Variants in NOM1 observed in about 807,000 individuals in gnomAD.
NOM1 encodes nucleolar MIF4G domain-containing protein 1.
Under a neutral mutation model 73.3 loss-of-function variants are expected in NOM1, and 58 were observed. The ratio of observed to expected loss-of-function variants is 0.79; its 90% CI spans 0.64 to 0.99. The LOEUF is 0.99. Among genes scored for constraint, NOM1 ranks in the 50% least tolerant of loss-of-function variants. NOM1 has a pLI of 0.00. For missense variants in NOM1, 1,226 were observed against 1,131.9 expected (o/e 1.08, Z -1.19); for synonymous variants, 487 against 446.8 (o/e 1.09, Z -1.14).
At chr7:156,967,162 C>A in intron 9 of NOM1, 70 bp downstream of exon 9, 1 of 1,538,470 alleles carries the variant, frequency 6.5e-7, no homozygotes, top group South Asian at 1.2e-5. Context: ...CCTGGTAAAT[C>A]AGGTCCTGTT....
intron 4 of NOM1, 154 bp downstream of exon 4, chr7:156,960,328 A>G (rs527814752): frequency 1.6e-6 from 1 of 626,988 alleles, no homozygotes; most frequent in East Asian, 2.8e-5. Context: ...TAATATGTGA[A>G]TGGACCTTAT....
At position 156,971,660 on chromosome 7, in the gene NOM1, C is replaced by G. The variant is rs1563689464; in HGVS notation, c.*1957C>G. 1 of 152,358 alleles carries G rather than the reference C, an allele frequency of 6.6e-6. No homozygotes were observed. Among genetic ancestry groups the G allele is most frequent in the Non-Finnish European group, 1.5e-5 (1 of 68,042 alleles). The allele number at this position is 152,358 out of a possible 1,614,324, so 9.4% of individuals were successfully genotyped here. A position where few individuals can be genotyped will look rare whatever the true frequency, so the allele number is the denominator to read the frequency against. On this transcript the variant is annotated 3_prime_UTR_variant, in exon 11 of 11. Coordinates refer to ENST00000275820, the MANE Select transcript of NOM1 (RefSeq NM_138400.2). ...CCTCAAATTTTATTTTAGCTCGACC[C>G]TATGGCAGTTTGTGTTTGGAAATCG...
In NOM1 at chr7:156,950,744, T is replaced by C. The variant is rs1275382639; in HGVS notation, c.987+20T>C. 1 of 1,531,588 alleles carries C rather than the reference T, an allele frequency of 6.5e-7. No individual in the cohort carries two copies. Among genetic ancestry groups the C allele is most frequent in the Non-Finnish European group, 8.8e-7 (1 of 1,135,870 alleles). The allele number at this position is 1,531,588 out of a possible 1,614,324, so 94.9% of individuals were successfully genotyped here. ...GATAAGGTATCGTGTGAACACTCTC[T>C]AGGCCCTCTGGGATTTCCTTCAAAA... On this transcript the variant is annotated intron_variant, in intron 1 of 10. Coordinates refer to ENST00000275820, the MANE Select transcript of NOM1 (RefSeq NM_138400.2).
Position 156,949,989 on chromosome 7 carries a change from A to G in NOM1, c.252A>G (p.Glu84=). ...CGGGAGGGAGAAAAAGCCGTAAGGA[A>G]CTGAGGAAGGAGAAGCGGCACCTGC... The part of the protein sequence containing the change: ...FRPGGRKSRK[E]LRKEKRHLRK... The change falls in exon 1 of 11, where the codon GAA becomes GAG. Residue 84 remains glutamate, a synonymous_variant. Coordinates refer to ENST00000275820, the MANE Select transcript of NOM1 (RefSeq NM_138400.2). 1 of 1,540,650 alleles carries G rather than the reference A, an allele frequency of 6.5e-7. No homozygotes were observed. Among genetic ancestry groups the G allele is most frequent in the South Asian group, 1.2e-5 (1 of 84,076 alleles).
rs1478069683 is a variant in NOM1 at position 156,972,635 on chromosome 7, G to A, written c.*2932G>A. On this transcript the variant is annotated 3_prime_UTR_variant, in exon 11 of 11. Coordinates refer to ENST00000275820, the MANE Select transcript of NOM1 (RefSeq NM_138400.2). ...ACTTGAGGTCAGGAGTTCGAGACCA[G>A]CCTGGCCAACATGGCAAAACCCCGT... 2.0e-5 allele frequency: 3 copies of A among 152,258 alleles called. No homozygotes were observed. Among genetic ancestry groups the A allele is most frequent in the Non-Finnish European group, 4.4e-5 (3 of 68,088 alleles). The allele number at this position is 152,258 out of a possible 1,614,324, so 9.4% of individuals were successfully genotyped here.
chr7:156,961,474 G>A (rs1804863210), intron 4 of NOM1, among the ~76,000 whole-genome samples: 1 of 152,166 alleles, frequency 6.6e-6, no homozygotes, highest in East Asian at 1.9e-4. Context: ...GGGCTGGGGA[G>A]CTGGCTGGGG....
chr7:156,950,402 C>A lies in NOM1; in HGVS notation c.665C>A (p.Ala222Asp). The A allele has an allele frequency of 1.9e-6, 3 of 1,614,172 alleles. No individual in the cohort carries two copies. Among genetic ancestry groups the A allele is most frequent in the Non-Finnish European group, 8.5e-7 (1 of 1,180,036 alleles). ...GACGGTCTTGACTATATTCTGGGAG[C>A]CCTGGAGTCTGGGAAAAATAGCGGC... ...ARDGLDYILG[A>D]LESGKNSGLY... Residue 222 changes from alanine (A) to aspartate (D), a missense_variant, in exon 1 of 11, where the codon GCC becomes GAC. Coordinates refer to ENST00000275820, the MANE Select transcript of NOM1 (RefSeq NM_138400.2).
At chr7:156,962,113 G>GA (rs1394574357) in intron 4 of NOM1, 38 bp from the exon 5 acceptor site, 14 of 1,570,552 alleles carry the variant, frequency 8.9e-6, no homozygotes, top group Non-Finnish European at 1.2e-5. Context: ...TAGACTGTTT[G>GA]AAATGATGGA....
At chr7:156,950,915 G>A (rs912910879) in intron 1 of NOM1, among the ~76,000 whole-genome samples, 191 bp downstream of exon 1, 2 of 152,174 alleles carry the variant, frequency 1.3e-5, no homozygotes, top group Non-Finnish European at 2.9e-5. Context: ...TAAAGTTTAG[G>A]AGAAAAGCAA....
chr7:156,958,229 G>A (rs1804775291), intron 3 of NOM1, among the ~76,000 whole-genome samples: 1 of 152,212 alleles, frequency 6.6e-6, no homozygotes, highest in Non-Finnish European at 1.5e-5. Flanking sequence ...CCCTGTTGAA[G>A]CTTAATAACC....
chr7:156,949,970 G>A lies in NOM1; in HGVS notation c.233G>A (p.Gly78Glu), dbSNP rs949722143. ...RGAPVSFRPG[G>E]RKSRKELRKE... ...GCCCCGGTGAGCTTTCGCCCGGGAG[G>A]GAGAAAAAGCCGTAAGGAACTGAGG... Residue 78 changes from glycine (G) to glutamate (E), a missense_variant, in exon 1 of 11, where the codon GGG becomes GAG. Physicochemically the swap from Gly to Glu is moderately conservative, Grantham distance 98. Coordinates refer to ENST00000275820, the MANE Select transcript of NOM1 (RefSeq NM_138400.2). The A allele has an allele frequency of 8.4e-6, 13 of 1,540,834 alleles. No homozygotes were observed. Among genetic ancestry groups the A allele is most frequent in the South Asian group, 7.1e-5 (6 of 84,056 alleles).
At chr7:156,963,496 TAGGCTAC>T in intron 6 of NOM1, 1 of 448,414 alleles carries the variant, frequency 2.2e-6, no homozygotes, top group South Asian at 2.4e-5. Context: ...CTGTGCATTC[TAGGCTAC>T]AGGCTATGGA....
intron 2 of NOM1, 111 bp downstream of exon 2, chr7:156,952,709 T>A: frequency 1.7e-6 from 2 of 1,203,262 alleles, no homozygotes; most frequent in Non-Finnish European, 2.3e-6. Context: ...GTCGATTGGA[T>A]CCTTTCTGTT....
chr7:156,965,587 G>A (rs1258760176), intron 7 of NOM1, among the ~76,000 whole-genome samples: 4 of 152,192 alleles, frequency 2.6e-5, no homozygotes, highest in African/African-American at 9.7e-5. Flanking sequence ...ACACTACAAA[G>A]GATAGGTTTT....
intron 7 of NOM1, among the ~76,000 whole-genome samples, chr7:156,964,589 A>T (rs1328359064): frequency 1.4e-5 from 2 of 141,890 alleles, no homozygotes. Context: ...TTTAAAAAGA[A>T]AAAAAAAATC....
Position 156,949,801 on chromosome 7 carries a change from A to C in NOM1, c.64A>C (p.Met22Leu), listed in dbSNP as rs948740590. 11 of 1,427,096 alleles carry C rather than the reference A, an allele frequency of 7.7e-6. No homozygotes were observed. The highest frequency in any genetic ancestry group is 9.1e-6 in the Non-Finnish European group (10 of 1,094,798). The allele number at this position is 1,427,096 out of a possible 1,614,324, so 88.4% of individuals were successfully genotyped here. A position where few individuals can be genotyped will look rare whatever the true frequency, so the allele number is the denominator to read the frequency against. Reference sequence around the variant, plus strand: ...CGGCTCCCAGGGACGCGTGGTCCGCATGAAGCGCAGAGGCGGGCGCGGGCC... The same window carrying C: ...CGGCTCCCAGGGACGCGTGGTCCGCCTGAAGCGCAGAGGCGGGCGCGGGCC... ...PGGSQGRVVR[M>L]KRRGGRGPRR... The change falls in exon 1 of 11, where the codon ATG becomes CTG. Residue 22 changes from methionine to leucine, a missense_variant. By Grantham distance (15) the Met-to-Leu change is conservative. Transcript: ENST00000275820.
At position 156,966,720 on chromosome 7, in the gene NOM1, T is replaced by C. The variant is rs143834431; in HGVS notation, c.2167-241T>C. Among the ~76,000 whole-genome samples the C allele has an allele frequency of 5.9e-3, 897 of 152,268 alleles. 10 individuals are homozygous for C. The highest frequency in any genetic ancestry group is 0.02 in the African/African-American group (834 of 41,518). On this transcript the variant is annotated intron_variant, in intron 8 of 10. Coordinates refer to ENST00000275820, the MANE Select transcript of NOM1 (RefSeq NM_138400.2). ...GATGCCCCTTGCTGTGGCCTTTTCC[T>C]TAGAATGTTCTGTTAGTATCTGCTG...
chr7:156,949,945 G>C lies in NOM1; in HGVS notation c.208G>C (p.Ala70Pro). Residue 70 changes from alanine (A) to proline (P), a missense_variant, in exon 1 of 11, where the codon GCC becomes CCC. Coordinates refer to ENST00000275820, the MANE Select transcript of NOM1 (RefSeq NM_138400.2). ...TCCCGGGGGTTGCGAGGGGCGCGGC[G>C]CCCCGGTGAGCTTTCGCCCGGGAGG... ...EAPGGCEGRGAPVSFRPGGRK... is the reference protein window; with the variant it reads ...EAPGGCEGRGPPVSFRPGGRK... 1 of 1,541,700 alleles carries C rather than the reference G, an allele frequency of 6.5e-7. No individual in the cohort carries two copies.
intron 3 of NOM1, 115 bp downstream of exon 3, chr7:156,954,413 TTTG>T: frequency 1.2e-6 from 1 of 803,272 alleles, no homozygotes; most frequent in East Asian, 3.0e-5. Context: ...TCGATTCCTT[TTTG>T]TTGTGAATAA....
Sources: allele counts gnomAD v4.1 joint callset (sites outside exome capture counted in the v4.1 genomes callset), GRCh38; gene constraint gnomAD v4.1.1; transcripts MANE v1.5; gene names NCBI Gene and HGNC (gene_info 2026-07-23, HGNC 2026-07-21).